CNOT1: variants seen among roughly 807,000 people sequenced by gnomAD.
CNOT1 encodes the protein CCR4-NOT transcription complex subunit 1, also known as CCR4-associated factor 1.
A neutral mutation model predicts 273.8 loss-of-function variants in CNOT1; 15 were observed. The ratio of observed to expected loss-of-function variants is 0.05; its 90% CI spans 0.04 to 0.08. The LOEUF (loss-of-function observed/expected upper bound fraction) is 0.08. Among genes scored for constraint, CNOT1 ranks in the 10% least tolerant of loss-of-function variants. CNOT1 has a pLI of 1.00. For missense variants in CNOT1, 1,644 were observed against 2,912.2 expected (o/e 0.56, Z 10.02); for synonymous variants, 1,022 against 1,005.5 (o/e 1.02, Z -0.31).
chr16:58,608,546 T>A (rs1160833511), intron 1 of CNOT1, among the ~76,000 whole-genome samples: 2 of 113,830 alleles, frequency 1.8e-5, no homozygotes, highest in African/African-American at 7.4e-5. Flanking sequence ...GTAGTGAGAC[T>A]CTGTCTCAAA....
chr16:58,582,970 C>T (rs1182358502), intron 9 of CNOT1, 67 bp from the exon 10 acceptor site: 5 of 1,610,306 alleles, frequency 3.1e-6, no homozygotes, highest in Non-Finnish European at 4.2e-6. Context: ...GTCGATAGAA[C>T]AATCAATCAT....
At chr16:58,552,492 G>A (rs1428834861) in intron 22 of CNOT1, among the ~76,000 whole-genome samples, 3 of 152,102 alleles carry the variant, frequency 2.0e-5, no homozygotes, top group Non-Finnish European at 4.4e-5. Flanking sequence ...CTAGGGACTA[G>A]TTTTGAGTGA....
Position 58,588,819 on chromosome 16 carries a change from T to C in CNOT1, c.190A>G (p.Ser64Gly). The C allele has an allele frequency of 1.2e-6, 2 of 1,614,000 alleles. No individual in the cohort carries two copies. The highest frequency in any genetic ancestry group is 1.7e-6 in the Non-Finnish European group (2 of 1,179,976). The change falls in exon 3 of 49, where the codon AGT (serine) becomes GGT (glycine). Residue 64 changes from serine (S) to glycine (G), a missense_variant. Ser to Gly is a moderately conservative substitution (Grantham distance 56). This residue lies in a region of CNOT1 where 706 missense variants were observed against 1,021.2 expected (regional missense o/e 0.69). Coordinates refer to ENST00000317147, the MANE Select transcript of CNOT1 (RefSeq NM_016284.5). ...HVDFSGDGKS[S>G]GKDFHQTQFL... is the part of the protein sequence containing the mutation. The stretch of plus-strand genomic sequence containing the variant: ...AATACCTGATGGAAATCTTTGCCAC[T>C]GCTTTTACCATCGCCACTGAAATCC...
At chr16:58,533,765 C>CT (rs1567389934) in intron 40 of CNOT1, among the ~76,000 whole-genome samples, 2 of 152,146 alleles carry the variant, frequency 1.3e-5, no homozygotes, top group Non-Finnish European at 2.9e-5. Context: ...GCGGAGTTTG[C>CT]AGTAAGCCGA....
chr16:58,539,874 G>C lies in CNOT1; in HGVS notation c.4886C>G (p.Thr1629Ser). 1 of 1,614,208 alleles carries C rather than the reference G, an allele frequency of 6.2e-7. No individual in the cohort carries two copies. Among genetic ancestry groups the C allele is most frequent in the Non-Finnish European group, 8.5e-7 (1 of 1,180,034 alleles). ...CTGAGCTTGAGGGTTCATGGCCAAA[G>C]TTGGTGGGATGGCATGTAGATGTTG... is the stretch of plus-strand genomic sequence containing the variant. ...LEQHLHAIPP[T>S]LAMNPQAQAL... The change falls in exon 35 of 49, where the codon ACT becomes AGT. Residue 1629 changes from threonine to serine, a missense_variant. Around this residue, in one of 13 missense-constraint regions of CNOT1, gnomAD observed 170 missense variants for 273.1 expected, o/e 0.62. Transcript: ENST00000317147.
chr16:58,532,436 A>AATCC, intron 40 of CNOT1, 41 bp from the exon 41 acceptor site: 5 of 1,598,038 alleles, frequency 3.1e-6, no homozygotes, highest in Non-Finnish European at 4.3e-6. Flanking sequence ...TCATTCAGAT[A>AATCC]ATCCACTCAC....
chr16:58,572,219 G>A (rs140334633), intron 16 of CNOT1, among the ~76,000 whole-genome samples: 438 of 152,010 alleles, frequency 2.9e-3, no homozygotes, highest in Middle Eastern at 6.8e-3. Context: ...GGAGGCGGAG[G>A]GTTGCGGTGA....
At chr16:58,626,431 A>G (rs902979341) in intron 1 of CNOT1, among the ~76,000 whole-genome samples, 5 of 135,500 alleles carry the variant, frequency 3.7e-5, no homozygotes, top group African/African-American at 5.3e-5. Flanking sequence ...AAAAAAAAAA[A>G]GATATACCAA....
Position 58,520,865 on chromosome 16 carries a change from G to A in CNOT1, c.*93C>T. Reference sequence around the variant, plus strand: ...ACCCACAAACCAAAGGGCTGGGAAAGTCAGGAAGAGCTGAAAGGATTCTTC... The same window carrying A: ...ACCCACAAACCAAAGGGCTGGGAAAATCAGGAAGAGCTGAAAGGATTCTTC... On this transcript the variant is annotated 3_prime_UTR_variant, in exon 49 of 49. Transcript: ENST00000317147. 1 of 1,330,192 alleles carries A rather than the reference G, an allele frequency of 7.5e-7. No homozygotes were observed. Among genetic ancestry groups the A allele is most frequent in the Non-Finnish European group, 1.1e-6 (1 of 937,924 alleles). The allele number at this position is 1,330,192 out of a possible 1,614,324, so 82.4% of individuals were successfully genotyped here. A position where few individuals can be genotyped will look rare whatever the true frequency, so the allele number is the denominator to read the frequency against.
chr16:58,526,365 T>A (rs530751394), intron 44 of CNOT1, among the ~76,000 whole-genome samples: 4 of 152,104 alleles, frequency 2.6e-5, no homozygotes, highest in Non-Finnish European at 5.9e-5. Flanking sequence ...AGAGGCAAGA[T>A]ACCTTTTGGG....
At chr16:58,591,992 T>C (rs1475383554) in intron 2 of CNOT1, among the ~76,000 whole-genome samples, 1 of 152,154 alleles carries the variant, frequency 6.6e-6, no homozygotes, top group Non-Finnish European at 1.5e-5. Flanking sequence ...ACTACAGCCA[T>C]AAATCGAAAC....
At chr16:58,542,826 C>CA (rs1407662483) in intron 31 of CNOT1, among the ~76,000 whole-genome samples, 1 of 152,168 alleles carries the variant, frequency 6.6e-6, no homozygotes, top group African/African-American at 2.4e-5. Flanking sequence ...CGCGGTGGCT[C>CA]ACACCTCTAA....
In CNOT1 at chr16:58,555,684, A is replaced by G. The variant is rs183775646; in HGVS notation, c.2604+100T>C. 204 of 1,570,690 alleles carry G rather than the reference A, an allele frequency of 1.3e-4. 1 individual carries two copies. The highest frequency in any genetic ancestry group is 7.8e-4 in the East Asian group (35 of 44,682). On this transcript the variant is annotated intron_variant, in intron 20 of 48. Transcript: ENST00000317147. ...TTAAGGTTTCAAAACACAAACCGCT[A>G]TATCAGGGCACTTTGAGCTGGATTT...
At chr16:58,609,380 A>C (rs1052049911) in intron 1 of CNOT1, among the ~76,000 whole-genome samples, 1 of 151,032 alleles carries the variant, frequency 6.6e-6, no homozygotes, top group African/African-American at 2.4e-5. Context: ...TCAAAAAAAA[A>C]CACAACAAAA....
At chr16:58,602,261 G>C (rs1238471082) in intron 1 of CNOT1, among the ~76,000 whole-genome samples, 1 of 151,846 alleles carries the variant, frequency 6.6e-6, no homozygotes. Context: ...AGTAGAGATG[G>C]GGTTTCTCCA....
rs1266326607 is a variant in CNOT1 at position 58,539,879 on chromosome 16, T to C, written c.4881A>G (p.Pro1627=). The change falls in exon 35 of 49, where the codon CCA becomes CCG. Residue 1627 remains proline (P), a synonymous_variant. Transcript: ENST00000317147. ...CTTGAGGGTTCATGGCCAAAGTTGG[T>C]GGGATGGCATGTAGATGTTGCTCCA... ...TELEQHLHAI[P]PTLAMNPQAQ... The C allele has an allele frequency of 1.2e-6, 2 of 1,614,038 alleles. No homozygotes were observed. Among genetic ancestry groups the C allele is most frequent in the African/African-American group, 1.3e-5 (1 of 74,918 alleles).
intron 16 of CNOT1, among the ~76,000 whole-genome samples, chr16:58,562,826 C>G (rs1188932578): frequency 6.6e-6 from 1 of 151,564 alleles, no homozygotes; most frequent in African/African-American, 2.4e-5. Context: ...CCATCTTAAA[C>G]AACAAAAAAA....
At chr16:58,593,523 T>G (rs924046063) in intron 2 of CNOT1, among the ~76,000 whole-genome samples, 3 of 149,988 alleles carry the variant, frequency 2.0e-5, no homozygotes, top group African/African-American at 7.4e-5. Context: ...CGTGCCATTG[T>G]ACTTACTCCA....
intron 1 of CNOT1, among the ~76,000 whole-genome samples, chr16:58,621,636 T>A (rs1371303670): frequency 6.8e-6 from 1 of 146,030 alleles, no homozygotes; most frequent in Non-Finnish European, 1.5e-5. Context: ...TACACCACCA[T>A]GGCCGGGCAT....
Sources: allele counts gnomAD v4.1 joint callset (sites outside exome capture counted in the v4.1 genomes callset), GRCh38; gene constraint gnomAD v4.1.1; regional missense constraint gnomAD v4.1.1; transcripts MANE v1.5; gene names NCBI Gene and HGNC (gene_info 2026-07-23, HGNC 2026-07-21).